The following TRPC7 variants were observed in gnomAD, a reference collection of about 807,000 sequenced individuals.
TRPC7 encodes transient receptor potential cation channel subfamily C member 7, also known as short transient receptor potential channel 7.
TRPC7 carries 42 observed loss-of-function variants against 90.1 expected under a neutral mutation model. That is an observed-to-expected ratio of 0.47 (90% CI 0.36 to 0.60). The LOEUF (loss-of-function observed/expected upper bound fraction) is 0.60. Among genes scored for constraint, TRPC7 ranks in the 20% least tolerant of loss-of-function variants. TRPC7 has a pLI of 0.00. For synonymous variants in TRPC7, 451 were observed against 436.3 expected (o/e 1.03, Z -0.42); for missense variants, 955 against 1,112.3 (o/e 0.86, Z 2.01).
intron 11 of TRPC7, among the ~76,000 whole-genome samples, chr5:136,215,318 C>A (rs1479183450): frequency 6.6e-6 from 1 of 152,324 alleles, no homozygotes; most frequent in East Asian, 1.9e-4. Flanking sequence ...CTCAAGGCTG[C>A]CATTGCTGTG....
intron 3 of TRPC7, among the ~76,000 whole-genome samples, chr5:136,297,949 A>G (rs1308943389): frequency 6.6e-6 from 1 of 151,412 alleles, no homozygotes; most frequent in African/African-American, 2.4e-5. Flanking sequence ...CTGGAAGAAG[A>G]CTTAGGTGCT....
chr5:136,262,201 G>A (rs1210796343), intron 5 of TRPC7, among the ~76,000 whole-genome samples: 1 of 152,180 alleles, frequency 6.6e-6, no homozygotes, highest in Admixed American at 6.5e-5. Context: ...CTACATAGCA[G>A]TCAGTGATCC....
chr5:136,289,724 A>G (rs886578205), intron 3 of TRPC7, among the ~76,000 whole-genome samples: 1 of 152,252 alleles, frequency 6.6e-6, no homozygotes, highest in Non-Finnish European at 1.5e-5. Context: ...GGGGCAGGGC[A>G]CAGATGAACA....
At chr5:136,295,511 A>G (rs10065096) in intron 3 of TRPC7, among the ~76,000 whole-genome samples, 18,392 of 151,950 alleles carry the variant, frequency 0.12, 1,158 homozygotes, top group African/African-American at 0.14. Context: ...CTTAGCCCCA[A>G]TAGTCCCCAG....
chr5:136,337,641 G>A lies in TRPC7; in HGVS notation c.780+18967C>T, dbSNP rs576771261. Among the ~76,000 whole-genome samples the A allele has an allele frequency of 2.0e-5, 3 of 149,186 alleles. No homozygotes were observed. The South Asian group carries it at 6.5e-4, about 32-fold the overall frequency. On this transcript the variant is annotated intron_variant, in intron 2 of 11. Coordinates refer to ENST00000513104, the MANE Select transcript of TRPC7 (RefSeq NM_020389.3). ...AGATTGTGCCACTGCACTTCAGCCT[G>A]GGCGACAGAGGGAGACTCCATCAAA... is the stretch of plus-strand genomic sequence containing the variant.
intron 3 of TRPC7, chr5:136,303,692 C>T (rs1283376253): frequency 6.6e-6 from 1 of 152,078 alleles, no homozygotes; most frequent in Non-Finnish European, 1.5e-5. Flanking sequence ...GACTGTTCAA[C>T]TCACCTGGTA....
chr5:136,307,491 C>G (rs1428708379), intron 3 of TRPC7, among the ~76,000 whole-genome samples: 1 of 152,226 alleles, frequency 6.6e-6, no homozygotes, highest in Non-Finnish European at 1.5e-5. Context: ...AACCCCTGGT[C>G]TAGAGCAATA....
intron 2 of TRPC7, among the ~76,000 whole-genome samples, chr5:136,332,070 T>A (rs969141317): frequency 5.3e-5 from 8 of 152,064 alleles, no homozygotes; most frequent in Admixed American, 1.3e-4. Flanking sequence ...CTATTTTATA[T>A]AGATGTGAAC....
intron 6 of TRPC7, among the ~76,000 whole-genome samples, chr5:136,248,212 T>A (rs945769695): frequency 1.3e-5 from 2 of 152,204 alleles, no homozygotes; most frequent in Admixed American, 1.3e-4. Flanking sequence ...GAGCATGGAC[T>A]TGGGAGTCAG....
Position 136,273,483 on chromosome 5 carries a change from C to T in TRPC7, c.1128+1190G>A, listed in dbSNP as rs146605312. Among the ~76,000 whole-genome samples the T allele has an allele frequency of 3.7e-3, 557 of 152,202 alleles. 1 individual carries two copies. The highest frequency in any genetic ancestry group is 0.012 in the African/African-American group (501 of 41,510). On this transcript the variant is annotated intron_variant, in intron 4 of 11. Coordinates refer to ENST00000513104, the MANE Select transcript of TRPC7 (RefSeq NM_020389.3). ...GGCTTCCATTCTTAATACTACTCTC[C>T]GGAAGAAGGATTTGGGGACTTGACC... is the stretch of plus-strand genomic sequence containing the variant.
chr5:136,311,587 TTCCC>T (rs1280693713), intron 3 of TRPC7, among the ~76,000 whole-genome samples: 3 of 152,216 alleles, frequency 2.0e-5, no homozygotes, highest in Non-Finnish European at 2.9e-5. Flanking sequence ...TTAGGCATGA[TTCCC>T]AGAGGACAGA....
Position 136,365,497 on chromosome 5 carries a change from G to C in TRPC7, c.-243C>G. The C allele has an allele frequency of 8.8e-6, 5 of 566,636 alleles. No homozygotes were observed. Among genetic ancestry groups the C allele is most frequent in the Non-Finnish European group, 1.6e-5 (5 of 318,686 alleles). The allele number at this position is 566,636 out of a possible 1,614,324, so 35.1% of individuals were successfully genotyped here. On this transcript the variant is annotated 5_prime_UTR_variant, in exon 1 of 12. Transcript: ENST00000513104. The stretch of plus-strand genomic sequence containing the variant: ...CCGTGTTACCGTCCTTTTCCTAATC[G>C]GGGGGAAATTTCCCAGAGAACATGA...
intron 2 of TRPC7, among the ~76,000 whole-genome samples, chr5:136,348,941 A>G (rs1330582831): frequency 6.6e-6 from 1 of 152,100 alleles, no homozygotes; most frequent in African/African-American, 2.4e-5. Context: ...TTGTGCTACT[A>G]CTCATTGGCT....
chr5:136,364,567 A>G (rs899788520), intron 1 of TRPC7, among the ~76,000 whole-genome samples: 1 of 152,146 alleles, frequency 6.6e-6, no homozygotes, highest in Non-Finnish European at 1.5e-5. Flanking sequence ...TTCTGAGTCT[A>G]CCCTGAATCC....
At chr5:136,354,088 T>G (rs993694838) in intron 2 of TRPC7, among the ~76,000 whole-genome samples, 22 of 152,242 alleles carry the variant, frequency 1.4e-4, no homozygotes, top group Non-Finnish European at 8.8e-5. Context: ...ATTTTTTTGC[T>G]TGAATTTTTA....
At chr5:136,293,094 C>A (rs941618050) in intron 3 of TRPC7, among the ~76,000 whole-genome samples, 9 of 152,158 alleles carry the variant, frequency 5.9e-5, no homozygotes, top group African/African-American at 2.2e-4. Context: ...AATTCAACAA[C>A]CCTTCATGCT....
At position 136,226,087 on chromosome 5, in the gene TRPC7, C is replaced by A; in HGVS notation, c.2209G>T (p.Ala737Ser). The change falls in exon 9 of 12, where the codon GCC (alanine) becomes TCC (serine). Residue 737 changes from alanine (A) to serine (S), a missense_variant. By Grantham distance (99) the Ala-to-Ser change is moderately conservative (BLOSUM62 1). Around this residue, in one of 4 missense-constraint regions of TRPC7, gnomAD observed 296 missense variants for 422.7 expected, o/e 0.70. Transcript: ENST00000513104. The stretch of plus-strand genomic sequence containing the variant: ...TCAAGGTCATTTTCACAGCTTTTGG[C>A]CTTAGATTTGCAGAGTTTTATGAGG... ...MCLIKLCKSK[A>S]KSCENDLEMG... The A allele has an allele frequency of 6.2e-7, 1 of 1,605,138 alleles. No individual in the cohort carries two copies. Among genetic ancestry groups the A allele is most frequent in the Non-Finnish European group, 8.5e-7 (1 of 1,175,396 alleles).
chr5:136,217,448 C>A (rs1288858326), intron 10 of TRPC7, among the ~76,000 whole-genome samples: 1 of 152,200 alleles, frequency 6.6e-6, no homozygotes, highest in Admixed American at 6.5e-5. Context: ...GATTCTAAGA[C>A]TTCACCTGAA....
chr5:136,361,451 A>C (rs1300473123), intron 1 of TRPC7, among the ~76,000 whole-genome samples: 4 of 152,146 alleles, frequency 2.6e-5, no homozygotes, highest in Admixed American at 6.6e-5. Flanking sequence ...GCTCTTACAG[A>C]TGCATCAGCC....
Sources: gnomAD v4.1 joint callset for allele counts (sites outside exome capture counted in the v4.1 genomes callset) on GRCh38, gnomAD v4.1.1 for gene constraint, gnomAD v4.1.1 regional missense constraint, MANE v1.5 for transcripts, NCBI Gene and HGNC (gene_info 2026-07-23, HGNC 2026-07-21) for gene names.